Variants in CPEB1 observed in about 807,000 individuals in gnomAD.
The protein encoded by CPEB1 is cytoplasmic polyadenylation element binding protein 1, also known as cytoplasmic polyadenylation element-binding protein 1.
In CPEB1, 7 loss-of-function variants were observed where a neutral mutation model predicts 65.8. The observed-to-expected ratio is 0.11, with a 90% CI of 0.06 to 0.20. The LOEUF (loss-of-function observed/expected upper bound fraction) is 0.20. Among genes scored for constraint, CPEB1 ranks in the 10% least tolerant of loss-of-function variants. The pLI is 1.00. For missense variants in CPEB1, 551 were observed against 712.2 expected (o/e 0.77, Z 2.58); for synonymous variants, 262 against 260.0 (o/e 1.01, Z -0.08).
intron 2 of CPEB1, 90 bp downstream of exon 2, chr15:82,628,274 T>C (rs1413133412): frequency 2.8e-6 from 2 of 702,386 alleles, no homozygotes; most frequent in Non-Finnish European, 5.2e-6. Flanking sequence ...ATACAGGAAA[T>C]CATGAAAGAA....
At chr15:82,632,679 T>A (rs1032938076) in intron 1 of CPEB1, among the ~76,000 whole-genome samples, 2 of 151,840 alleles carry the variant, frequency 1.3e-5, no homozygotes, top group Non-Finnish European at 2.9e-5. Flanking sequence ...CATGCCCAGC[T>A]AATTTTTTTT....
At chr15:82,598,416 C>A (rs531721636) in intron 3 of CPEB1, among the ~76,000 whole-genome samples, 1 of 152,040 alleles carries the variant, frequency 6.6e-6, no homozygotes, top group African/African-American at 2.4e-5. Flanking sequence ...ATCGCTTGAA[C>A]GTGGGACGCA....
At chr15:82,647,677 C>T, upstream of CPEB1, 1 of 408,864 alleles carries the variant, frequency 2.4e-6, no homozygotes, top group Non-Finnish European at 4.0e-6. Flanking sequence ...CTGCCCCCCT[C>T]GCCCTCCACC....
chr15:82,627,507 T>C (rs2045873542), intron 2 of CPEB1, 140 bp from the exon 3 acceptor site: 2 of 609,308 alleles, frequency 3.3e-6, no homozygotes, highest in African/African-American at 1.9e-5. Context: ...GTGTTTACTA[T>C]GAGCTAAGTA....
At chr15:82,627,673 T>C (rs1475323183) in intron 2 of CPEB1, among the ~76,000 whole-genome samples, 1 of 152,296 alleles carries the variant, frequency 6.6e-6, no homozygotes, top group East Asian at 1.9e-4. Flanking sequence ...TAGTCAGGTT[T>C]ATGATTAGGA....
At chr15:82,563,587 C>T (rs1381942722) in intron 4 of CPEB1, among the ~76,000 whole-genome samples, 1 of 151,146 alleles carries the variant, frequency 6.6e-6, no homozygotes, top group Admixed American at 6.6e-5. Flanking sequence ...AGCAATCCTC[C>T]TGCCTCAGCC....
At chr15:82,550,633 CAA>C (rs987392236) in intron 9 of CPEB1, among the ~76,000 whole-genome samples, 2 of 152,098 alleles carry the variant, frequency 1.3e-5, no homozygotes, top group African/African-American at 4.8e-5. Context: ...ATTTTGCCCA[CAA>C]AAGAGTTTGG....
In CPEB1 at chr15:82,557,746, A is replaced by G. The variant is rs1253767061; in HGVS notation, c.687+14T>C. On this transcript the variant is annotated intron_variant, in intron 5 of 12. Transcript: ENST00000684509. ...CTCCACCCACAACTCCCCTTTCCCA[A>G]ATGAGTTACATACAATCAAATCTGA... 4 of 1,610,834 alleles carry G rather than the reference A, an allele frequency of 2.5e-6. No homozygotes were observed. Among genetic ancestry groups the G allele is most frequent in the Non-Finnish European group, 1.7e-6 (2 of 1,177,868 alleles).
chr15:82,591,394 T>G (rs918650429), intron 3 of CPEB1, among the ~76,000 whole-genome samples: 1 of 152,162 alleles, frequency 6.6e-6, no homozygotes, highest in Admixed American at 6.5e-5. Flanking sequence ...CCCGAGTAGC[T>G]GAAATTACTA....
chr15:82,557,176 C>T (rs935116365), intron 5 of CPEB1, among the ~76,000 whole-genome samples: 36 of 152,140 alleles, frequency 2.4e-4, no homozygotes, highest in African/African-American at 2.7e-4. Flanking sequence ...GAAGACCACA[C>T]GCATCATACA....
At chr15:82,603,217 G>C (rs1469402496) in intron 3 of CPEB1, among the ~76,000 whole-genome samples, 1 of 152,006 alleles carries the variant, frequency 6.6e-6, no homozygotes, top group East Asian at 1.9e-4. Flanking sequence ...AACAGTTGGA[G>C]CTCAAGCCCC....
At chr15:82,590,209 CAAAAA>C (rs5814120) in intron 3 of CPEB1, among the ~76,000 whole-genome samples, 411 of 103,802 alleles carry the variant, frequency 4.0e-3, no homozygotes, top group African/African-American at 5.1e-3. Context: ...ATCCCTTTGA[CAAAAA>C]AAAAAAAAAA....
intron 3 of CPEB1, among the ~76,000 whole-genome samples, chr15:82,609,521 A>G (rs962077995): frequency 1.3e-5 from 2 of 151,874 alleles, no homozygotes; most frequent in Admixed American, 6.6e-5. Flanking sequence ...AAATAATAAC[A>G]ATAGTAATTA....
chr15:82,592,640 G>T (rs906571214), intron 3 of CPEB1, among the ~76,000 whole-genome samples: 12 of 151,166 alleles, frequency 7.9e-5, no homozygotes, highest in Non-Finnish European at 1.5e-4. Context: ...TAGCATTGAT[G>T]TCTTTTTAAG....
intron 1 of CPEB1, among the ~76,000 whole-genome samples, chr15:82,639,731 A>C (rs1484583762): frequency 6.6e-6 from 1 of 152,130 alleles, no homozygotes; most frequent in East Asian, 1.9e-4. Flanking sequence ...ACTATACCCA[A>C]AGGAACAAAC....
At chr15:82,626,412 A>C (rs188911251) in intron 3 of CPEB1, among the ~76,000 whole-genome samples, 285 of 152,268 alleles carry the variant, frequency 1.9e-3, no homozygotes, top group Middle Eastern at 0.01. Flanking sequence ...CCAACCTGGC[A>C]ACAGAGTGAG....
At chr15:82,642,021 A>G (rs2047155341) in intron 1 of CPEB1, among the ~76,000 whole-genome samples, 2 of 152,362 alleles carry the variant, frequency 1.3e-5, no homozygotes, top group South Asian at 4.1e-4. Context: ...TAATTTTCCT[A>G]TGAAAATATG....
chr15:82,597,837 C>T (rs1250566997), intron 3 of CPEB1, among the ~76,000 whole-genome samples: 2 of 152,108 alleles, frequency 1.3e-5, no homozygotes, highest in Admixed American at 6.5e-5. Flanking sequence ...CAAAAACCAG[C>T]AAGACAGATG....
intron 10 of CPEB1, 102 bp downstream of exon 10, chr15:82,549,358 C>G (rs1174609035): frequency 8.4e-7 from 1 of 1,184,198 alleles, no homozygotes; most frequent in Admixed American, 1.9e-5. Context: ...GATCTGCAGA[C>G]CTGGGTCAGG....
Sources: allele counts gnomAD v4.1 joint callset (sites outside exome capture counted in the v4.1 genomes callset), GRCh38; gene constraint gnomAD v4.1.1; transcripts MANE v1.5; gene names NCBI Gene and HGNC (gene_info 2026-07-23, HGNC 2026-07-21).